The following IFT80 variants were observed in gnomAD, a reference collection of about 807,000 sequenced individuals.
IFT80 encodes the protein intraflagellar transport protein 80 homolog.
IFT80 carries 79 observed loss-of-function variants against 107.9 expected under a neutral mutation model. The ratio of observed to expected loss-of-function variants is 0.73; its 90% CI spans 0.61 to 0.88. The LOEUF (loss-of-function observed/expected upper bound fraction) is 0.88. Ranked by LOEUF, IFT80 falls within the 40% of genes least tolerant of loss-of-function variation. The probability of loss-of-function intolerance (pLI) is 0.00; values close to 1 mark genes in which losing one functional copy is unlikely to be tolerated. For missense variants in IFT80, 797 were observed against 914.2 expected, an observed-to-expected ratio of 0.87 and a Z score of 1.65; for synonymous variants, 299 against 300.9, an observed-to-expected ratio of 0.99 and a Z score of 0.07.
At chr3:160,260,891 T>C (rs56804721) in intron 19 of IFT80, among the ~76,000 whole-genome samples, 12,053 of 152,190 alleles carry the variant, frequency 0.079, 1,478 homozygotes, top group African/African-American at 0.26. Context: ...CTTCCTACTT[T>C]ACAGAGAATA....
At chr3:160,368,371 A>G (rs1358593869) in intron 5 of IFT80, among the ~76,000 whole-genome samples, 1 of 151,652 alleles carries the variant, frequency 6.6e-6, no homozygotes, top group Non-Finnish European at 1.5e-5. Flanking sequence ...AAAAAAAAAA[A>G]AAAAAAAACC....
At chr3:160,320,510 T>G (rs1718126681) in intron 8 of IFT80, among the ~76,000 whole-genome samples, 1 of 151,836 alleles carries the variant, frequency 6.6e-6, no homozygotes, top group Admixed American at 6.6e-5. Flanking sequence ...TCTAGAGATA[T>G]CAATAAGCAT....
intron 9 of IFT80, among the ~76,000 whole-genome samples, chr3:160,314,407 G>A (rs1243877834): frequency 6.6e-6 from 1 of 152,040 alleles, no homozygotes; most frequent in Non-Finnish European, 1.5e-5. Context: ...TTATCCACTG[G>A]GCTGCTTCCT....
At chr3:160,395,255 T>A (rs1359408902) in intron 1 of IFT80, among the ~76,000 whole-genome samples, 1 of 152,238 alleles carries the variant, frequency 6.6e-6, no homozygotes, top group Non-Finnish European at 1.5e-5. Context: ...ATACTTTGTT[T>A]ACTTTCTTAT....
chr3:160,351,170 A>T (rs1262637285), intron 8 of IFT80, among the ~76,000 whole-genome samples: 1 of 151,972 alleles, frequency 6.6e-6, no homozygotes, highest in Non-Finnish European at 1.5e-5. Flanking sequence ...TTTTCTGTTC[A>T]TTTATACAGA....
intron 1 of IFT80, among the ~76,000 whole-genome samples, chr3:160,389,617 G>A (rs569172300): frequency 1.4e-3 from 209 of 151,378 alleles, no homozygotes; most frequent in Non-Finnish European, 2.4e-3. Flanking sequence ...TACTGAGAAT[G>A]ATGATTTCCA....
intron 8 of IFT80, among the ~76,000 whole-genome samples, chr3:160,322,814 T>G (rs1718353831): frequency 6.6e-6 from 1 of 152,174 alleles, no homozygotes; most frequent in Non-Finnish European, 1.5e-5. Context: ...TCATGTGTCT[T>G]TTGGTTGCAT....
intron 8 of IFT80, among the ~76,000 whole-genome samples, chr3:160,334,054 T>C (rs1384973824): frequency 2.0e-5 from 3 of 152,190 alleles, no homozygotes; most frequent in African/African-American, 7.2e-5. Flanking sequence ...GGGACCACTA[T>C]CATATATGCA....
At chr3:160,359,427 C>T (rs1046828496) in intron 6 of IFT80, among the ~76,000 whole-genome samples, 7 of 152,136 alleles carry the variant, frequency 4.6e-5, no homozygotes, top group Admixed American at 2.0e-4. Context: ...CCAGTGTGAT[C>T]GACACAGAAG....
chr3:160,360,909 G>A (rs557399145), intron 6 of IFT80, among the ~76,000 whole-genome samples: 4 of 152,176 alleles, frequency 2.6e-5, no homozygotes, highest in South Asian at 2.1e-4. Flanking sequence ...AAAACATGCC[G>A]AATTGTAAAG....
chr3:160,394,709 C>T (rs1208518281), intron 1 of IFT80, among the ~76,000 whole-genome samples: 1 of 151,384 alleles, frequency 6.6e-6, no homozygotes, highest in African/African-American at 2.4e-5. Flanking sequence ...AAGATTGTGC[C>T]ACTACGCTCC....
intron 8 of IFT80, among the ~76,000 whole-genome samples, chr3:160,346,903 C>A (rs1720333532): frequency 6.6e-6 from 1 of 152,110 alleles, no homozygotes; most frequent in Non-Finnish European, 1.5e-5. Flanking sequence ...CTGGTCTTTT[C>A]TGAGTGTGTC....
chr3:160,352,751 C>T (rs919565228), intron 8 of IFT80, among the ~76,000 whole-genome samples: 2 of 152,116 alleles, frequency 1.3e-5, no homozygotes, highest in Non-Finnish European at 2.9e-5. Flanking sequence ...GGGCATTATC[C>T]TCAGGCAAAC....
chr3:160,366,248 G>T, intron 5 of IFT80, 96 bp from the exon 6 acceptor site: 2 of 857,450 alleles, frequency 2.3e-6, no homozygotes, highest in Non-Finnish European at 1.9e-6. Context: ...AAAGCCATAT[G>T]AGGTGTCATT....
At chr3:160,326,659 T>C (rs1335360978) in intron 8 of IFT80, among the ~76,000 whole-genome samples, 1 of 152,026 alleles carries the variant, frequency 6.6e-6, no homozygotes, top group African/African-American at 2.4e-5. Context: ...AAACTAGGTA[T>C]TGAAAGAATA....
Position 160,280,703 on chromosome 3 carries a change from T to C in IFT80, c.1628A>G (p.Asp543Gly), listed in dbSNP as rs746408528. 3.1e-6 allele frequency: 5 copies of C among 1,612,964 alleles called. No homozygotes were observed. In the Admixed American group the frequency reaches 8.3e-5, roughly 27 times the overall value. ...YYPNTVYVDR[D>G]ILPKTLYERD... ...TTCATATAATGTTTTAGGCAAAATG[T>C]CTCTGTCCACATAAACTGTATTGGG... The change falls in exon 15 of 20, where the codon GAC becomes GGC. Residue 543 changes from aspartate (D) to glycine (G), a missense_variant. Asp to Gly is a moderately conservative substitution (Grantham distance 94). Transcript: ENST00000326448.
At chr3:160,312,776 T>C (rs1177949383) in intron 9 of IFT80, among the ~76,000 whole-genome samples, 2 of 29,582 alleles carry the variant, frequency 6.8e-5, no homozygotes, top group Admixed American at 6.5e-4. Context: ...ATATTATATA[T>C]AAATATATAA....
intron 8 of IFT80, among the ~76,000 whole-genome samples, chr3:160,352,754 AG>A (rs1324866568): frequency 1.3e-5 from 2 of 152,206 alleles, no homozygotes; most frequent in African/African-American, 4.8e-5. Flanking sequence ...CATTATCCTC[AG>A]GCAAACACCC....
chr3:160,326,467 C>T (rs1008710916), intron 8 of IFT80, among the ~76,000 whole-genome samples: 4 of 152,064 alleles, frequency 2.6e-5, no homozygotes, highest in Non-Finnish European at 5.9e-5. Context: ...CATCAAAAAG[C>T]TTATCCACCA....
Sources: gnomAD v4.1 joint callset for allele counts (sites outside exome capture counted in the v4.1 genomes callset) on GRCh38, gnomAD v4.1.1 for gene constraint, MANE v1.5 for transcripts, NCBI Gene and HGNC (gene_info 2026-07-23, HGNC 2026-07-21) for gene names.